The following HEMK2 variants were observed in gnomAD, a reference collection of about 807,000 sequenced individuals.
HEMK2 encodes the protein methyltransferase HEMK2.
chr21:28,599,313 T>C, the HEMK2 span, among the ~76,000 whole-genome samples: 5 of 152,208 alleles, frequency 3.3e-5, no homozygotes, highest in African/African-American at 1.2e-4. Flanking sequence ...CAGTTCCATA[T>C]GGCTGGGGAG....
At chr21:28,767,646 C>T in the HEMK2 span, among the ~76,000 whole-genome samples, 18 of 152,116 alleles carry the variant, frequency 1.2e-4, no homozygotes, top group East Asian at 2.9e-3. Flanking sequence ...TACTGGAATC[C>T]GTTGTAACCA....
the HEMK2 span, among the ~76,000 whole-genome samples, chr21:28,777,988 G>T: frequency 1.3e-5 from 2 of 152,132 alleles, no homozygotes; most frequent in African/African-American, 4.8e-5. Context: ...CTCAGTAGTA[G>T]AAAAGAATTG....
the HEMK2 span, among the ~76,000 whole-genome samples, chr21:28,591,210 A>G: frequency 1.3e-5 from 2 of 152,224 alleles, no homozygotes; most frequent in Non-Finnish European, 2.9e-5. Context: ...ATTACATAAA[A>G]AAGATTACAT....
chr21:28,839,992 C>T, the HEMK2 span, among the ~76,000 whole-genome samples: 39,476 of 152,124 alleles, frequency 0.26, 5,881 homozygotes, highest in African/African-American at 0.4. Flanking sequence ...GTTACCAAAA[C>T]AACATGGTAC....
At chr21:28,792,933 C>G in the HEMK2 span, among the ~76,000 whole-genome samples, 1 of 152,096 alleles carries the variant, frequency 6.6e-6, no homozygotes, top group Non-Finnish European at 1.5e-5. Flanking sequence ...CAATGTGCAA[C>G]CAAGCAGATA....
chr21:28,864,639 A>G, the HEMK2 span, among the ~76,000 whole-genome samples: 1 of 152,112 alleles, frequency 6.6e-6, no homozygotes. Flanking sequence ...TTTCACTTCA[A>G]TCCTAACTTG....
the HEMK2 span, among the ~76,000 whole-genome samples, chr21:28,760,098 T>C: frequency 2.6e-5 from 4 of 152,148 alleles, no homozygotes; most frequent in Middle Eastern, 6.3e-3. Flanking sequence ...AATGCAGCAA[T>C]TGTCCAAGGC....
At chr21:28,734,818 A>G in the HEMK2 span, among the ~76,000 whole-genome samples, 2 of 152,254 alleles carry the variant, frequency 1.3e-5, no homozygotes, top group Non-Finnish European at 2.9e-5. Context: ...GACAGACTTT[A>G]TATCAATGAG....
the HEMK2 span, among the ~76,000 whole-genome samples, chr21:28,707,463 C>T: frequency 6.6e-6 from 1 of 151,834 alleles, no homozygotes; most frequent in African/African-American, 2.4e-5. Flanking sequence ...ACCATGTTGG[C>T]CAGGCTGGTC....
chr21:28,662,340 C>T, the HEMK2 span, among the ~76,000 whole-genome samples: 9 of 152,164 alleles, frequency 5.9e-5, no homozygotes, highest in African/African-American at 2.2e-4. Context: ...CTGGAAGGAG[C>T]AGGTTTGTCA....
At chr21:28,666,914 G>T in the HEMK2 span, among the ~76,000 whole-genome samples, 2 of 152,088 alleles carry the variant, frequency 1.3e-5, no homozygotes, top group African/African-American at 4.8e-5. Flanking sequence ...TAGTTGTTAT[G>T]CAGTAATCTG....
At chr21:28,761,446 C>T in the HEMK2 span, among the ~76,000 whole-genome samples, 51 of 151,948 alleles carry the variant, frequency 3.4e-4, no homozygotes, top group Middle Eastern at 0.014. Context: ...ATTTGCCAAC[C>T]CTGCTGTAGA....
the HEMK2 span, among the ~76,000 whole-genome samples, chr21:28,884,609 T>C: frequency 2.0e-5 from 3 of 152,222 alleles, no homozygotes; most frequent in Non-Finnish European, 4.4e-5. Context: ...GCTAGCTGCA[T>C]GTAACTTTTT....
chr21:28,740,453 T>C, the HEMK2 span, among the ~76,000 whole-genome samples: 1 of 152,238 alleles, frequency 6.6e-6, no homozygotes, highest in Non-Finnish European at 1.5e-5. Context: ...CAGCCTACTT[T>C]ACAGTCCGTT....
chr21:28,660,063 T>C, the HEMK2 span, among the ~76,000 whole-genome samples: 2 of 152,094 alleles, frequency 1.3e-5, no homozygotes, highest in East Asian at 3.9e-4. Context: ...ATTCAGTATT[T>C]TTATATTATT....
At chr21:28,705,335 T>C in the HEMK2 span, among the ~76,000 whole-genome samples, 1 of 151,604 alleles carries the variant, frequency 6.6e-6, no homozygotes, top group Non-Finnish European at 1.5e-5. Context: ...ACTACTTTTC[T>C]TTTCTTTATC....
chr21:28,595,153 C>T, the HEMK2 span, among the ~76,000 whole-genome samples: 4 of 152,148 alleles, frequency 2.6e-5, no homozygotes, highest in African/African-American at 7.2e-5. Flanking sequence ...TATCCTCCAA[C>T]GTTTATCCTT....
At chr21:28,814,815 G>A in the HEMK2 span, among the ~76,000 whole-genome samples, 104 of 152,126 alleles carry the variant, frequency 6.8e-4, no homozygotes, top group Non-Finnish European at 1.0e-3. Flanking sequence ...TGTGGAAGTC[G>A]GTGTGGCGAT....
the HEMK2 span, among the ~76,000 whole-genome samples, chr21:28,652,862 T>C: frequency 4.6e-5 from 7 of 152,182 alleles, no homozygotes; most frequent in East Asian, 1.4e-3. Context: ...GATACCCTCA[T>C]TGCTCATTAG....
Sources: allele counts gnomAD v4.1 joint callset (sites outside exome capture counted in the v4.1 genomes callset), GRCh38; gene constraint gnomAD v4.1.1; transcripts MANE v1.5; gene names NCBI Gene and HGNC (gene_info 2026-07-23, HGNC 2026-07-21).